The following CTNNA3 variants were observed in gnomAD, a reference collection of about 807,000 sequenced individuals.
The protein encoded by CTNNA3 is catenin alpha-3.
CTNNA3 carries 76 observed loss-of-function variants against 95.7 expected under a neutral mutation model. The observed-to-expected ratio is 0.79, with a 90% CI of 0.66 to 0.96. CTNNA3 has a LOEUF of 0.96. Among genes scored for constraint, CTNNA3 ranks in the 40% least tolerant of loss-of-function variants. The pLI is 0.00. For missense variants in CTNNA3, 1,191 were observed against 1,089.8 expected (o/e 1.09, Z -1.31); for synonymous variants, 431 against 374.4 (o/e 1.15, Z -1.74).
intron 7 of CTNNA3, among the ~76,000 whole-genome samples, chr10:66,929,975 C>CAT (rs1220995391): frequency 2.0e-5 from 3 of 152,170 alleles, no homozygotes; most frequent in Non-Finnish European, 2.9e-5. Flanking sequence ...TTGCCAACCC[C>CAT]TACATCTTTA....
At position 67,146,113 on chromosome 10, in the gene CTNNA3, C is replaced by T. The variant is rs148563936; in HGVS notation, c.1047+34204G>A. Reference sequence around the variant, plus strand: ...CCCAGCACCCCTCCACACACACACACTCATCAGATACTTTCTTGAAATTTG... The same window carrying T: ...CCCAGCACCCCTCCACACACACACATTCATCAGATACTTTCTTGAAATTTG... On this transcript the variant is annotated intron_variant, in intron 7 of 17. Transcript: ENST00000433211. Among the ~76,000 whole-genome samples the T allele has an allele frequency of 1.7e-3, 256 of 152,298 alleles. 1 individual carries two copies. The highest frequency in any genetic ancestry group is 5.3e-3 in the African/African-American group (220 of 41,568).
intron 7 of CTNNA3, among the ~76,000 whole-genome samples, chr10:66,865,213 CGT>C (rs3055786): frequency 0.45 from 64,688 of 143,488 alleles, 15,083 homozygotes; most frequent in Non-Finnish European, 0.57. Context: ...TGTGTGTGTG[CGT>C]GTGTGTGTGT....
chr10:67,156,878 T>C (rs79861910), intron 7 of CTNNA3, among the ~76,000 whole-genome samples: 2,274 of 130,792 alleles, frequency 0.017, 25 homozygotes, highest in Non-Finnish European at 0.028. Context: ...ATACTGAAAG[T>C]AGGATAGTAA....
At chr10:66,690,392 G>A (rs1428948287) in intron 9 of CTNNA3, among the ~76,000 whole-genome samples, 3 of 151,586 alleles carry the variant, frequency 2.0e-5, no homozygotes, top group African/African-American at 4.9e-5. Flanking sequence ...AGTTACATAT[G>A]TATACATGTG....
At chr10:66,601,853 T>C (rs1843937827) in intron 10 of CTNNA3, among the ~76,000 whole-genome samples, 1 of 151,894 alleles carries the variant, frequency 6.6e-6, no homozygotes, top group Non-Finnish European at 1.5e-5. Context: ...CCAACCAGCT[T>C]ATATACTCCA....
chr10:67,467,662 T>C (rs1390857731), intron 5 of CTNNA3, among the ~76,000 whole-genome samples: 1 of 152,008 alleles, frequency 6.6e-6, no homozygotes, highest in Non-Finnish European at 1.5e-5. Flanking sequence ...TTGTAACTCA[T>C]GACTATGTGA....
At chr10:67,493,354 A>C (rs13376973) in intron 5 of CTNNA3, among the ~76,000 whole-genome samples, 4 of 151,980 alleles carry the variant, frequency 2.6e-5, no homozygotes, top group African/African-American at 7.3e-5. Flanking sequence ...GAGGTCAGGG[A>C]ATCGAGACCA....
At chr10:66,593,201 A>G (rs1053642578) in intron 10 of CTNNA3, among the ~76,000 whole-genome samples, 2 of 152,126 alleles carry the variant, frequency 1.3e-5, no homozygotes, top group African/African-American at 4.8e-5. Context: ...GAATTCACCA[A>G]TACTGGTGTG....
chr10:66,283,478 T>C (rs1411894594), intron 12 of CTNNA3, among the ~76,000 whole-genome samples: 1 of 151,834 alleles, frequency 6.6e-6, no homozygotes, highest in Non-Finnish European at 1.5e-5. Flanking sequence ...CATGTAAAGA[T>C]CTGTTTTTCA....
chr10:66,551,431 T>C (rs1842211570), intron 10 of CTNNA3, among the ~76,000 whole-genome samples: 1 of 152,112 alleles, frequency 6.6e-6, no homozygotes, highest in African/African-American at 2.4e-5. Flanking sequence ...GTTTATGATG[T>C]GTCTATGGTT....
At chr10:67,399,710 T>A (rs1844847803) in intron 5 of CTNNA3, among the ~76,000 whole-genome samples, 1 of 152,168 alleles carries the variant, frequency 6.6e-6, no homozygotes, top group African/African-American at 2.4e-5. Context: ...GATCTTTTCC[T>A]CCATTAAGGT....
chr10:66,754,774 C>T (rs188903402), intron 9 of CTNNA3, among the ~76,000 whole-genome samples: 108 of 152,234 alleles, frequency 7.1e-4, no homozygotes, highest in Middle Eastern at 3.4e-3. Flanking sequence ...TTCACCCCCA[C>T]GATGATGGCT....
intron 5 of CTNNA3, among the ~76,000 whole-genome samples, chr10:67,492,963 C>T (rs1026203767): frequency 6.6e-6 from 1 of 152,070 alleles, no homozygotes; most frequent in African/African-American, 2.4e-5. Flanking sequence ...TGGAAACCTC[C>T]CCTCCTCTAC....
At chr10:67,248,447 G>A (rs948237597) in intron 5 of CTNNA3, among the ~76,000 whole-genome samples, 3 of 151,820 alleles carry the variant, frequency 2.0e-5, no homozygotes, top group South Asian at 2.1e-4. Flanking sequence ...ACAGGATCTC[G>A]CTTAGTCACT....
intron 7 of CTNNA3, among the ~76,000 whole-genome samples, chr10:67,149,475 C>T (rs1343479336): frequency 6.6e-6 from 1 of 152,112 alleles, no homozygotes; most frequent in Non-Finnish European, 1.5e-5. Flanking sequence ...GTCCCAGCTT[C>T]TCGGGAGGCT....
At chr10:67,133,189 T>C (rs765131033) in intron 7 of CTNNA3, among the ~76,000 whole-genome samples, 2 of 150,534 alleles carry the variant, frequency 1.3e-5, no homozygotes, top group African/African-American at 4.9e-5. Flanking sequence ...ACTCCGTAAA[T>C]AGGTGAAACA....
intron 12 of CTNNA3, among the ~76,000 whole-genome samples, chr10:66,355,104 G>A (rs530516592): frequency 2.0e-5 from 3 of 152,204 alleles, no homozygotes; most frequent in African/African-American, 7.2e-5. Context: ...AAACATACCT[G>A]AGAGTCATGA....
intron 10 of CTNNA3, among the ~76,000 whole-genome samples, chr10:66,562,107 C>T (rs1393970571): frequency 6.6e-6 from 1 of 152,008 alleles, no homozygotes; most frequent in African/African-American, 2.4e-5. Flanking sequence ...AAAATTTATA[C>T]ACACGTGCAT....
chr10:66,168,088 A>G (rs931469559), intron 13 of CTNNA3, among the ~76,000 whole-genome samples: 29 of 152,178 alleles, frequency 1.9e-4, no homozygotes, highest in African/African-American at 7.0e-4. Context: ...TTAAGGCTGG[A>G]CATGATCTCA....
Sources: allele counts gnomAD v4.1 joint callset (sites outside exome capture counted in the v4.1 genomes callset), GRCh38; gene constraint gnomAD v4.1.1; transcripts MANE v1.5; gene names NCBI Gene and HGNC (gene_info 2026-07-23, HGNC 2026-07-21).